YES1: variants seen among roughly 807,000 people sequenced by gnomAD.
The protein encoded by YES1 is tyrosine-protein kinase Yes.
Under a neutral mutation model 70.4 loss-of-function variants are expected in YES1, and 39 were observed. That is an observed-to-expected ratio of 0.55 (90% CI 0.43 to 0.72). YES1 has a LOEUF of 0.72. Ranked by LOEUF, YES1 falls within the 30% of genes least tolerant of loss-of-function variation. The pLI is 0.00. For missense variants in YES1, 495 were observed against 644.8 expected (o/e 0.77, Z 2.52); for synonymous variants, 198 against 218.6 (o/e 0.91, Z 0.83).
At chr18:727,530 T>C (rs1164408937) in intron 11 of YES1, among the ~76,000 whole-genome samples, 4 of 152,200 alleles carry the variant, frequency 2.6e-5, no homozygotes, top group African/African-American at 9.6e-5. Flanking sequence ...TCTTGCTTTT[T>C]AATTTGATTA....
chr18:749,377 AATCCCAG>A (rs2080317106), intron 3 of YES1, among the ~76,000 whole-genome samples: 2 of 151,764 alleles, frequency 1.3e-5, no homozygotes, highest in African/African-American at 4.8e-5. Context: ...GTGTGCCTGT[AATCCCAG>A]TTACTCAGGA....
intron 1 of YES1, among the ~76,000 whole-genome samples, chr18:762,951 T>C (rs571521904): frequency 1.3e-5 from 2 of 152,222 alleles, no homozygotes; most frequent in East Asian, 3.9e-4. Flanking sequence ...ATACAACAAA[T>C]GTTATCAGCT....
rs1185519642 is a variant in YES1, at chr18:803,549, G to C, written c.-9+8565C>G. Among the ~76,000 whole-genome samples, 5 of 152,160 alleles carry C rather than the reference G, an allele frequency of 3.3e-5. No individual in the cohort carries two copies. In the East Asian group the frequency reaches 9.6e-4, roughly 29 times the overall value. On this transcript the variant is annotated intron_variant, in intron 1 of 11. Transcript: ENST00000314574. ...TTCTATACCTCATACTGTCCTATAGGGTTAGAGTATGAGGCAGGTTTCACT... is the reference window on the plus strand; with the variant it reads ...TTCTATACCTCATACTGTCCTATAGCGTTAGAGTATGAGGCAGGTTTCACT...
chr18:779,187 A>G (rs754393572), intron 1 of YES1, among the ~76,000 whole-genome samples: 16 of 152,046 alleles, frequency 1.1e-4, no homozygotes, highest in Admixed American at 2.0e-4. Flanking sequence ...GAATCACTTG[A>G]GTCCAGCAGT....
At chr18:771,029 G>A (rs750645464) in intron 1 of YES1, among the ~76,000 whole-genome samples, 54 of 151,880 alleles carry the variant, frequency 3.6e-4, no homozygotes, top group Non-Finnish European at 5.0e-4. Context: ...AATCTGAAAA[G>A]TTAAAACCTA....
chr18:811,837 C>A (rs889590842), intron 1 of YES1, among the ~76,000 whole-genome samples: 2 of 152,170 alleles, frequency 1.3e-5, no homozygotes, highest in African/African-American at 4.8e-5. Context: ...TGGGGAGTGT[C>A]CCCACGCCCC....
At chr18:801,183 A>G (rs139152764) in intron 1 of YES1, among the ~76,000 whole-genome samples, 2,063 of 152,104 alleles carry the variant, frequency 0.014, 22 homozygotes, top group Non-Finnish European at 0.017. Flanking sequence ...ATAAAATAAA[A>G]TTAGCCAGGC....
chr18:809,383 T>C (rs9675377), intron 1 of YES1, among the ~76,000 whole-genome samples: 8,727 of 152,092 alleles, frequency 0.057, 352 homozygotes, highest in East Asian at 0.12. Context: ...CACCGCAATC[T>C]CTGTCTCCCG....
Position 743,402 on chromosome 18 carries a change from ACC to A in YES1, c.736_737del (p.Gly246PhefsTer36). 6.2e-7 allele frequency: 1 copy of A among 1,612,568 alleles called. No individual in the cohort carries two copies. The highest frequency in any genetic ancestry group is 8.5e-7 in the Non-Finnish European group (1 of 1,179,618). ...ACACAGTTGTCAACTTGTGGCATAA[ACC>A]ATCAGCATGTTCTAGATAAATGAAT... ...LVKHYTEHADGLCHKLTTVCP... is the reference protein window; with the variant it reads ...LVKHYTEHADXLCHKLTTVCP... On this transcript the variant is annotated frameshift_variant, in exon 7 of 12. Coordinates refer to ENST00000314574, the MANE Select transcript of YES1 (RefSeq NM_005433.4). LOFTEE classifies it high-confidence loss of function.
intron 2 of YES1, among the ~76,000 whole-genome samples, chr18:755,195 T>C (rs1158137235): frequency 6.6e-6 from 1 of 151,954 alleles, no homozygotes; most frequent in Non-Finnish European, 1.5e-5. Context: ...TTAACATGCA[T>C]AACTCCCTAA....
At chr18:744,029 T>A (rs2080248801) in intron 6 of YES1, among the ~76,000 whole-genome samples, 1 of 150,030 alleles carries the variant, frequency 6.7e-6, no homozygotes, top group Admixed American at 6.7e-5. Context: ...ATAGTAGATA[T>A]GTTAGTATAT....
In YES1 at chr18:769,604, T is replaced by C. The variant is rs575891759; in HGVS notation, c.-8-12769A>G. On this transcript the variant is annotated intron_variant, in intron 1 of 11. Transcript: ENST00000314574. ...CATAAGGCCAAGCAAAGTTCCCTTG[T>C]TTGCTGACAGTTTTTATCATAAATG... Among the ~76,000 whole-genome samples, 5 of 152,228 alleles carry C rather than the reference T, an allele frequency of 3.3e-5. No homozygotes were observed. The South Asian group carries it at 8.3e-4, about 25-fold the overall frequency.
chr18:792,527 A>ATCTCTCTCTCTC (rs374164158), intron 1 of YES1, among the ~76,000 whole-genome samples: 66 of 115,350 alleles, frequency 5.7e-4, no homozygotes, highest in East Asian at 2.3e-3. Flanking sequence ...CTGAGACTCC[A>ATCTCTCTCTCTC]TCTCTCTCTC....
chr18:779,297 A>G (rs1244361150), intron 1 of YES1, among the ~76,000 whole-genome samples: 3 of 151,832 alleles, frequency 2.0e-5, no homozygotes, highest in Non-Finnish European at 4.4e-5. Flanking sequence ...CTGGCTACTC[A>G]GAAGGCTGAG....
chr18:772,314 CCACCG>C (rs1905196800), intron 1 of YES1, among the ~76,000 whole-genome samples: 1 of 151,486 alleles, frequency 6.6e-6, no homozygotes, highest in Non-Finnish European at 1.5e-5. Flanking sequence ...CAGGCATGAG[CCACCG>C]CACCCGGCCT....
intron 1 of YES1, among the ~76,000 whole-genome samples, chr18:803,426 G>A (rs150463833): frequency 6.6e-6 from 1 of 152,312 alleles, no homozygotes; most frequent in Non-Finnish European, 1.5e-5. Flanking sequence ...AAAGCACAGA[G>A]AAGGTAAAGA....
intron 11 of YES1, among the ~76,000 whole-genome samples, chr18:728,394 T>G (rs964368294): frequency 2.6e-5 from 4 of 152,236 alleles, no homozygotes; most frequent in African/African-American, 9.6e-5. Context: ...TTACATAATT[T>G]TAAAAATAAT....
chr18:765,485 C>G (rs1409858820), intron 1 of YES1, among the ~76,000 whole-genome samples: 1 of 150,176 alleles, frequency 6.7e-6, no homozygotes, highest in Non-Finnish European at 1.5e-5. Flanking sequence ...TGCAACCTCC[C>G]GCTCCCCGGT....
intron 1 of YES1, among the ~76,000 whole-genome samples, chr18:761,727 A>G (rs1189477716): frequency 1.3e-5 from 2 of 152,176 alleles, no homozygotes; most frequent in African/African-American, 2.4e-5. Context: ...AGGATAGCCC[A>G]TTAATTTCAG....
Sources: allele counts gnomAD v4.1 joint callset (sites outside exome capture counted in the v4.1 genomes callset), GRCh38; gene constraint gnomAD v4.1.1; transcripts MANE v1.5; gene names NCBI Gene and HGNC (gene_info 2026-07-23, HGNC 2026-07-21).